LRPPRC: variants seen among roughly 807,000 people sequenced by gnomAD.
LRPPRC encodes leucine-rich PPR motif-containing protein, mitochondrial.
LRPPRC carries 120 observed loss-of-function variants against 180.3 expected under a neutral mutation model. The observed-to-expected ratio is 0.67, with a 90% confidence interval of 0.57 to 0.77. The LOEUF is 0.77. Among genes scored for constraint, LRPPRC ranks in the 30% least tolerant of loss-of-function variants. The pLI is 0.00. For missense variants in LRPPRC, 2,012 were observed against 1,657.2 expected, an observed-to-expected ratio of 1.21 and a Z score of -3.72; for synonymous variants, 723 against 600.0, an observed-to-expected ratio of 1.21 and a Z score of -3.00.
intron 3 of LRPPRC, among the ~76,000 whole-genome samples, chr2:43,979,056 T>C (rs1003028540): frequency 1.3e-5 from 2 of 152,128 alleles, no homozygotes; most frequent in East Asian, 1.9e-4. Context: ...CATCTTTCTA[T>C]ACTTTAAGAT....
At chr2:43,946,381 C>A in intron 20 of LRPPRC, 138 bp from the exon 21 acceptor site, 1 of 684,756 alleles carries the variant, frequency 1.5e-6, no homozygotes, top group Non-Finnish European at 2.6e-6. Context: ...CAACCTGACT[C>A]TGCCCCTTGA....
intron 27 of LRPPRC, among the ~76,000 whole-genome samples, chr2:43,918,801 A>ATC (rs1558938244): frequency 2.7e-5 from 3 of 112,196 alleles, no homozygotes; most frequent in African/African-American, 1.3e-4. Context: ...AGATATATAT[A>ATC]TATATATAGA....
intron 1 of LRPPRC, among the ~76,000 whole-genome samples, chr2:43,992,294 A>G (rs1015046643): frequency 7.1e-6 from 1 of 141,148 alleles, no homozygotes; most frequent in Non-Finnish European, 1.7e-5. Flanking sequence ...TTACAGATCC[A>G]CAGACAAGCA....
chr2:43,958,990 G>A (rs1673230957), intron 13 of LRPPRC: 4 of 480,664 alleles, frequency 8.3e-6, no homozygotes, highest in South Asian at 8.9e-5. Context: ...ACAGAATATT[G>A]TCAAGTTTTT....
chr2:43,987,274 T>C (rs1421409006), intron 1 of LRPPRC, among the ~76,000 whole-genome samples: 3 of 151,982 alleles, frequency 2.0e-5, no homozygotes. Flanking sequence ...GGCGGGCAGA[T>C]CACGAGGTCA....
At chr2:43,908,221 T>A (rs1671128742) in intron 30 of LRPPRC, among the ~76,000 whole-genome samples, 2 of 152,224 alleles carry the variant, frequency 1.3e-5, no homozygotes, top group Non-Finnish European at 2.9e-5. Context: ...TATGGTTTAA[T>A]GTTAGCAGAG....
chr2:43,982,054 C>T (rs1020960567), intron 2 of LRPPRC, among the ~76,000 whole-genome samples, 184 bp downstream of exon 2: 2 of 152,066 alleles, frequency 1.3e-5, no homozygotes, highest in East Asian at 1.9e-4. Flanking sequence ...ACTACAGGCA[C>T]GCGCCACCAT....
intron 22 of LRPPRC, 42 bp downstream of exon 22, chr2:43,945,290 A>C: frequency 7.9e-7 from 1 of 1,261,308 alleles, no homozygotes; most frequent in Non-Finnish European, 1.2e-6. Flanking sequence ...TCCAGTGGCA[A>C]GATACTTGCA....
intron 5 of LRPPRC, 137 bp downstream of exon 5, chr2:43,976,857 A>G: frequency 2.9e-6 from 2 of 689,864 alleles, no homozygotes; most frequent in East Asian, 2.7e-5. Flanking sequence ...AAGTCAGATT[A>G]CCAGATTTTC....
intron 29 of LRPPRC, among the ~76,000 whole-genome samples, chr2:43,916,491 G>C (rs1035290209): frequency 2.0e-5 from 3 of 152,056 alleles, no homozygotes; most frequent in Non-Finnish European, 4.4e-5. Context: ...GATATTGCTG[G>C]ATCACTTCAA....
chr2:43,918,120 T>C lies in LRPPRC; in HGVS notation c.3053A>G (p.Asp1018Gly). 1 of 1,613,672 alleles carries C rather than the reference T, an allele frequency of 6.2e-7. No homozygotes were observed. Among genetic ancestry groups the C allele is most frequent in the Non-Finnish European group, 8.5e-7 (1 of 1,179,618 alleles). ...PFDVPELWYE[D>G]EKHSLNSSSA... ...CGAAGAATTCAGGGAATGTTTTTCA[T>C]CTTCATACCACAACTTTAAAACAAA... Residue 1018 changes from aspartate (D) to glycine (G), a missense_variant, in exon 29 of 38, where the codon GAT (aspartate) becomes GGT (glycine). By Grantham distance (94) the Asp-to-Gly change is moderately conservative (BLOSUM62 -1). Transcript: ENST00000260665.
intron 30 of LRPPRC, among the ~76,000 whole-genome samples, chr2:43,909,048 G>A (rs184982399): frequency 6.6e-6 from 1 of 152,208 alleles, no homozygotes; most frequent in Admixed American, 6.5e-5. Flanking sequence ...TGGGAAATGG[G>A]AAGAGAGGAC....
chr2:43,963,442 C>G, intron 12 of LRPPRC, 146 bp downstream of exon 12: 13 of 681,680 alleles, frequency 1.9e-5, no homozygotes, highest in Non-Finnish European at 3.1e-5. Flanking sequence ...GAAACTCCAT[C>G]TCAAAAAAAA....
intron 1 of LRPPRC, among the ~76,000 whole-genome samples, chr2:43,994,620 T>A (rs1379750949): frequency 6.9e-6 from 1 of 145,594 alleles, no homozygotes; most frequent in Non-Finnish European, 1.5e-5. Flanking sequence ...CCCAGCCTAC[T>A]GCAGATCCCT....
Position 43,896,623 on chromosome 2 carries a change from A to C in LRPPRC, c.3900+11T>G, listed in dbSNP as rs1482619344. ...AGTATCATTGATTTGTAAGCAGGTA[A>C]AGCACAGTACCTTTCCTTGTTTCCT... On this transcript the variant is annotated intron_variant, in intron 35 of 37. Coordinates refer to ENST00000260665, the MANE Select transcript of LRPPRC (RefSeq NM_133259.4). 2 of 1,581,788 alleles carry C rather than the reference A, an allele frequency of 1.3e-6. No homozygotes were observed. Among genetic ancestry groups the C allele is most frequent in the African/African-American group, 2.7e-5 (2 of 74,478 alleles).
chr2:43,981,757 A>T (rs1401838863), intron 2 of LRPPRC, among the ~76,000 whole-genome samples: 2 of 152,232 alleles, frequency 1.3e-5, no homozygotes, highest in Non-Finnish European at 2.9e-5. Flanking sequence ...GACAATCAAC[A>T]GAATATAACA....
At chr2:43,955,848 G>C (rs938376655) in intron 14 of LRPPRC, among the ~76,000 whole-genome samples, 1 of 152,188 alleles carries the variant, frequency 6.6e-6, no homozygotes, top group African/African-American at 2.4e-5. Flanking sequence ...GGTAGACACA[G>C]TCTCAAATTA....
intron 11 of LRPPRC, among the ~76,000 whole-genome samples, chr2:43,968,619 AAATAAGCTAG>A (rs1336519690): frequency 3.3e-5 from 5 of 152,252 alleles, no homozygotes; most frequent in Non-Finnish European, 7.3e-5. Context: ...TAATCAAGTG[AAATAAGCTAG>A]ACACAGAAAG....
intron 30 of LRPPRC, among the ~76,000 whole-genome samples, chr2:43,910,239 CTT>C (rs60273880): frequency 1.4e-5 from 2 of 146,310 alleles, no homozygotes; most frequent in Non-Finnish European, 1.5e-5. Flanking sequence ...ATCTCTCTCC[CTT>C]TTTTTTTTTT....
Sources: allele counts gnomAD v4.1 joint callset (sites outside exome capture counted in the v4.1 genomes callset), GRCh38; gene constraint gnomAD v4.1.1; transcripts MANE v1.5; gene names NCBI Gene and HGNC (gene_info 2026-07-23, HGNC 2026-07-21).